NRXN3: variants seen among roughly 807,000 people sequenced by gnomAD.
NRXN3 encodes neurexin 3.
A neutral mutation model predicts 137.6 loss-of-function variants in NRXN3; 32 were observed. The ratio of observed to expected loss-of-function variants is 0.23; its 90% CI spans 0.18 to 0.31. NRXN3 has a LOEUF of 0.31. Among genes scored for constraint, NRXN3 ranks in the 10% least tolerant of loss-of-function variants. The pLI, the probability that NRXN3 is intolerant of heterozygous loss-of-function variation, is 1.00. For missense variants in NRXN3, 1,574 were observed against 2,062.5 expected, an observed-to-expected ratio of 0.76 and a Z score of 4.59; for synonymous variants, 798 against 784.5, an observed-to-expected ratio of 1.02 and a Z score of -0.29.
At chr14:78,333,476 A>G (rs760904216) in intron 4 of NRXN3, among the ~76,000 whole-genome samples, 5 of 152,212 alleles carry the variant, frequency 3.3e-5, no homozygotes, top group Non-Finnish European at 5.9e-5. Flanking sequence ...AAGTACACAC[A>G]TAAAGAAAAA....
chr14:78,773,057 C>T (rs867342018), intron 8 of NRXN3, among the ~76,000 whole-genome samples: 1 of 152,022 alleles, frequency 6.6e-6, no homozygotes, highest in Admixed American at 6.6e-5. Context: ...TCTGAGTAGA[C>T]GAGGCCTGTG....
At chr14:78,583,874 G>C (rs1054222374) in intron 4 of NRXN3, among the ~76,000 whole-genome samples, 2 of 152,110 alleles carry the variant, frequency 1.3e-5, no homozygotes, top group African/African-American at 2.4e-5. Flanking sequence ...GGTGACTGTG[G>C]ACCCTTCCAA....
At chr14:79,019,909 C>A (rs1186402504) in intron 15 of NRXN3, among the ~76,000 whole-genome samples, 1 of 151,970 alleles carries the variant, frequency 6.6e-6, no homozygotes, top group Non-Finnish European at 1.5e-5. Context: ...GGGAGTTAGA[C>A]TTTCATCTGA....
intron 6 of NRXN3, among the ~76,000 whole-genome samples, chr14:78,654,000 G>GT (rs1309630365): frequency 6.6e-6 from 1 of 152,210 alleles, no homozygotes; most frequent in Non-Finnish European, 1.5e-5. Flanking sequence ...TGCCCCGTCT[G>GT]TTTTCCCTGT....
intron 15 of NRXN3, among the ~76,000 whole-genome samples, chr14:79,416,212 C>G (rs2095494476): frequency 6.6e-6 from 1 of 152,088 alleles, no homozygotes. Flanking sequence ...TTTAAACCTC[C>G]TGGCAACCTT....
At chr14:79,418,905 G>A (rs7152916) in intron 15 of NRXN3, among the ~76,000 whole-genome samples, 14,616 of 152,138 alleles carry the variant, frequency 0.096, 1,736 homozygotes, top group African/African-American at 0.28. Flanking sequence ...TCACACTGCC[G>A]TCTGGGAATG....
chr14:78,767,536 G>A (rs917457093), intron 8 of NRXN3, among the ~76,000 whole-genome samples: 2 of 152,182 alleles, frequency 1.3e-5, no homozygotes, highest in Non-Finnish European at 2.9e-5. Context: ...CCCCTGGCAT[G>A]TGTCGCAGAG....
chr14:78,806,720 A>G (rs1040025047), intron 9 of NRXN3, among the ~76,000 whole-genome samples: 2 of 152,204 alleles, frequency 1.3e-5, no homozygotes, highest in African/African-American at 4.8e-5. Context: ...ATAACTCAGC[A>G]CAACTTTTAA....
chr14:79,477,872 G>T (rs1194839376), intron 16 of NRXN3, among the ~76,000 whole-genome samples: 4 of 152,022 alleles, frequency 2.6e-5, no homozygotes, highest in African/African-American at 9.7e-5. Flanking sequence ...AAAAAGGAGA[G>T]AACTGAGAAA....
chr14:79,394,466 G>A (rs748343237), intron 15 of NRXN3, among the ~76,000 whole-genome samples: 33 of 152,256 alleles, frequency 2.2e-4, no homozygotes, highest in Non-Finnish European at 3.5e-4. Context: ...GTAGACTAGC[G>A]TTTTTACTCA....
chr14:79,483,111 C>T (rs545605602), intron 16 of NRXN3, among the ~76,000 whole-genome samples: 5 of 152,242 alleles, frequency 3.3e-5, no homozygotes, highest in African/African-American at 1.2e-4. Context: ...TTTTGTTTCT[C>T]TAAATCTCAA....
chr14:79,715,349 C>T (rs1435063420), intron 19 of NRXN3, among the ~76,000 whole-genome samples: 2 of 152,152 alleles, frequency 1.3e-5, no homozygotes, highest in Non-Finnish European at 2.9e-5. Flanking sequence ...CTAGACTGCC[C>T]CAAAACTCCC....
chr14:78,614,377 A>G (rs926767337), intron 4 of NRXN3, among the ~76,000 whole-genome samples: 7 of 152,234 alleles, frequency 4.6e-5, no homozygotes, highest in Admixed American at 2.0e-4. Context: ...GCCCCAATCT[A>G]GTGAAAAAGC....
At chr14:79,814,573 C>T (rs923272279) in intron 20 of NRXN3, among the ~76,000 whole-genome samples, 9 of 152,224 alleles carry the variant, frequency 5.9e-5, no homozygotes, top group Non-Finnish European at 7.4e-5. Flanking sequence ...AACTGATCAA[C>T]GACAATAAGA....
At chr14:78,626,233 C>T (rs1288830909) in intron 4 of NRXN3, among the ~76,000 whole-genome samples, 4 of 152,146 alleles carry the variant, frequency 2.6e-5, no homozygotes, top group Non-Finnish European at 5.9e-5. Context: ...ACGTGGTGAG[C>T]TTTAACTACA....
chr14:79,801,350 T>C (rs1283343394), intron 19 of NRXN3, among the ~76,000 whole-genome samples: 1 of 152,136 alleles, frequency 6.6e-6, no homozygotes, highest in South Asian at 2.1e-4. Context: ...ATGGAAGTAA[T>C]GAATTGTCAG....
chr14:79,439,550 GT>G (rs2095898619), intron 15 of NRXN3, among the ~76,000 whole-genome samples: 1 of 152,102 alleles, frequency 6.6e-6, no homozygotes, highest in African/African-American at 2.4e-5. Context: ...CAAAAGGTAT[GT>G]TTTGCTTCCT....
intron 19 of NRXN3, among the ~76,000 whole-genome samples, chr14:79,736,398 A>AAACT (rs1568057139): frequency 6.6e-6 from 1 of 152,194 alleles, no homozygotes; most frequent in African/African-American, 2.4e-5. Context: ...AACTGGTATT[A>AAACT]GGCTTGTAGA....
chr14:79,713,478 GTATATA>G (rs76633474), intron 19 of NRXN3, among the ~76,000 whole-genome samples: 1 of 135,370 alleles, frequency 7.4e-6, no homozygotes. Context: ...TATATATAAT[GTATATA>G]TATATATATA....
Sources: gnomAD v4.1 joint callset for allele counts (sites outside exome capture counted in the v4.1 genomes callset) on GRCh38, gnomAD v4.1.1 for gene constraint, MANE v1.5 for transcripts, NCBI Gene and HGNC (gene_info 2026-07-23, HGNC 2026-07-21) for gene names.